The following DPP6 variants were observed in gnomAD, a reference collection of about 807,000 sequenced individuals.
The protein encoded by DPP6 is dipeptidyl peptidase like 6, also known as A-type potassium channel modulatory protein DPP6.
A neutral mutation model predicts 122.6 loss-of-function variants in DPP6; 69 were observed. That is an observed-to-expected ratio of 0.56 (90% confidence interval 0.46 to 0.69). The LOEUF (loss-of-function observed/expected upper bound fraction) is 0.69. Among genes scored for constraint, DPP6 ranks in the 30% least tolerant of loss-of-function variants. The pLI is 0.00. For missense variants in DPP6, 928 were observed against 1,116.9 expected, an observed-to-expected ratio of 0.83 and a Z score of 2.41; for synonymous variants, 418 against 433.1, an observed-to-expected ratio of 0.97 and a Z score of 0.43.
chr7:153,813,405 T>A, the DPP6 span, among the ~76,000 whole-genome samples: 1 of 152,282 alleles, frequency 6.6e-6, no homozygotes, highest in African/African-American at 2.4e-5. Context: ...TGTGCCACAT[T>A]TTCTTAATCC....
At chr7:154,587,678 C>T (rs1171299080) in intron 5 of DPP6, 1 of 1,550,092 alleles carries the variant, frequency 6.5e-7, no homozygotes, top group Admixed American at 2.0e-5. Context: ...AGGAAGTTGA[C>T]ATTGCCTCAT....
rs547854671 is a variant in DPP6, at chr7:154,381,068, A to G, written c.244-65146A>G. ...GCCCTGGGCGTGGGGCTTCTCTGCC[A>G]TGAGGGGGATCCTGGTGCTGTGAGT... On this transcript the variant is annotated intron_variant, in intron 1 of 25. Coordinates refer to ENST00000377770, the MANE Select transcript of DPP6 (RefSeq NM_130797.4). 2.6e-5 allele frequency among the ~76,000 whole-genome samples: 4 copies of G among 152,202 alleles called. No homozygotes were observed. The East Asian group carries it at 7.7e-4, about 29-fold the overall frequency.
chr7:154,116,627 G>A (rs1368758078), intron 1 of DPP6, among the ~76,000 whole-genome samples: 3 of 152,112 alleles, frequency 2.0e-5, no homozygotes, highest in East Asian at 1.9e-4. Flanking sequence ...CATCTCAACC[G>A]TCTTTTAAAT....
intron 1 of DPP6, among the ~76,000 whole-genome samples, chr7:154,169,229 G>A (rs891221468): frequency 2.0e-5 from 3 of 152,172 alleles, no homozygotes; most frequent in African/African-American, 7.2e-5. Flanking sequence ...GCAAGAACCC[G>A]GTTGGCCTGG....
chr7:154,345,931 G>A (rs1389463272), intron 1 of DPP6, among the ~76,000 whole-genome samples: 3 of 152,158 alleles, frequency 2.0e-5, no homozygotes, highest in Admixed American at 6.5e-5. Context: ...AATGCCACCA[G>A]AAAACTTTCT....
intron 1 of DPP6, among the ~76,000 whole-genome samples, chr7:153,991,707 A>G (rs1220348514): frequency 6.6e-6 from 1 of 152,180 alleles, no homozygotes; most frequent in East Asian, 1.9e-4. Flanking sequence ...TTCACAGTCC[A>G]TTAGACAGCG....
At chr7:154,208,647 G>C (rs548410078) in intron 1 of DPP6, among the ~76,000 whole-genome samples, 1 of 152,164 alleles carries the variant, frequency 6.6e-6, no homozygotes, top group Admixed American at 6.5e-5. Flanking sequence ...AGTTTAATTG[G>C]CAATTGTGTG....
intron 1 of DPP6, among the ~76,000 whole-genome samples, chr7:154,251,654 C>T (rs933217399): frequency 6.6e-6 from 1 of 152,196 alleles, no homozygotes; most frequent in Non-Finnish European, 1.5e-5. Context: ...TGGCCGAAGG[C>T]CCAAGAGCCA....
chr7:154,133,083 A>C (rs567824708), intron 1 of DPP6, among the ~76,000 whole-genome samples: 86 of 151,066 alleles, frequency 5.7e-4, no homozygotes, highest in African/African-American at 1.9e-3. Context: ...TAAACATCCC[A>C]AAAAAAAAGT....
At chr7:154,845,970 C>T (rs893964865) in intron 16 of DPP6, among the ~76,000 whole-genome samples, 5 of 148,088 alleles carry the variant, frequency 3.4e-5, no homozygotes, top group Non-Finnish European at 7.5e-5. Flanking sequence ...CAATGGGATG[C>T]GTCTTGGCCA....
chr7:154,705,267 G>A (rs1840764432), intron 7 of DPP6, among the ~76,000 whole-genome samples: 4 of 152,202 alleles, frequency 2.6e-5, no homozygotes, highest in Admixed American at 2.0e-4. Flanking sequence ...ACTTACCTGG[G>A]ATGATCAGAA....
chr7:154,881,475 C>T (rs890272270), intron 21 of DPP6, among the ~76,000 whole-genome samples: 1 of 152,146 alleles, frequency 6.6e-6, no homozygotes, highest in Admixed American at 6.5e-5. Flanking sequence ...CTCTGCACCG[C>T]CACCTACTAT....
At chr7:153,841,749 G>C in the DPP6 span, among the ~76,000 whole-genome samples, 4 of 152,222 alleles carry the variant, frequency 2.6e-5, no homozygotes, top group African/African-American at 9.6e-5. Context: ...CGTTAAGAAA[G>C]TAGGCTGAGG....
intron 1 of DPP6, among the ~76,000 whole-genome samples, chr7:154,320,510 A>G (rs75762949): frequency 0.12 from 17,858 of 151,696 alleles, 2,635 homozygotes; most frequent in African/African-American, 0.35. Flanking sequence ...TTGAGACAGA[A>G]TTTTCCTCTG....
chr7:154,688,694 C>T (rs1267179655), intron 7 of DPP6, among the ~76,000 whole-genome samples: 2 of 152,050 alleles, frequency 1.3e-5, no homozygotes, highest in Admixed American at 6.5e-5. Flanking sequence ...GGAGGTTTGG[C>T]CCATCTCTCT....
intron 1 of DPP6, among the ~76,000 whole-genome samples, chr7:154,206,624 T>A (rs1000043756): frequency 6.6e-6 from 1 of 152,194 alleles, no homozygotes; most frequent in Non-Finnish European, 1.5e-5. Flanking sequence ...TGTAAGATTG[T>A]ATAAAGTTGA....
intron 7 of DPP6, among the ~76,000 whole-genome samples, chr7:154,680,564 T>C (rs1839213935): frequency 6.6e-6 from 1 of 152,180 alleles, no homozygotes; most frequent in African/African-American, 2.4e-5. Context: ...AGCCATTTGG[T>C]ATGTTGGCAT....
At chr7:153,977,209 G>A (rs1408505507) in intron 1 of DPP6, among the ~76,000 whole-genome samples, 3 of 151,660 alleles carry the variant, frequency 2.0e-5, no homozygotes, top group African/African-American at 7.3e-5. Context: ...GTGTGTGTGT[G>A]TGTGTGTGTG....
upstream of DPP6, among the ~76,000 whole-genome samples, chr7:154,050,647 G>A (rs1289697462): frequency 1.3e-5 from 2 of 151,112 alleles, no homozygotes; most frequent in Non-Finnish European, 2.9e-5. Flanking sequence ...TTAAAGTTTA[G>A]TTTTATGGCT....
Sources: allele counts gnomAD v4.1 joint callset (sites outside exome capture counted in the v4.1 genomes callset), GRCh38; gene constraint gnomAD v4.1.1; transcripts MANE v1.5; gene names NCBI Gene and HGNC (gene_info 2026-07-23, HGNC 2026-07-21).